The following MZT2B variants were observed in gnomAD, a reference collection of about 807,000 sequenced individuals.
MZT2B encodes the protein mitotic spindle organizing protein 2B.
In MZT2B, 11 loss-of-function variants were observed where a neutral mutation model predicts 12.1. The observed-to-expected ratio is 0.91, with a 90% CI of 0.57 to 1.50. The LOEUF is 1.50. Ranked by LOEUF, MZT2B falls within the 40% of genes most tolerant of loss-of-function variation. MZT2B has a pLI of 0.00. For missense variants in MZT2B, 209 were observed against 227.7 expected, an observed-to-expected ratio of 0.92 and a Z score of 0.53; for synonymous variants, 85 against 109.5, an observed-to-expected ratio of 0.78 and a Z score of 1.40.
chr2:130,190,162 A>G (rs1001839542), intron 2 of MZT2B, among the ~76,000 whole-genome samples: 5 of 152,122 alleles, frequency 3.3e-5, no homozygotes, highest in Non-Finnish European at 5.9e-5. Context: ...CAGCACACCT[A>G]CCTTTCCCTA....
chr2:130,200,130 G>A, the MZT2B span, among the ~76,000 whole-genome samples: 86 of 150,616 alleles, frequency 5.7e-4, no homozygotes, highest in Admixed American at 1.8e-3. Flanking sequence ...GGTGGCTCAC[G>A]CCTGTAATCG....
At chr2:130,192,965 G>A (rs368379290), downstream of MZT2B, among the ~76,000 whole-genome samples, 8 of 152,090 alleles carry the variant, frequency 5.3e-5, no homozygotes, top group East Asian at 3.9e-4. Flanking sequence ...GTGGTGGCAG[G>A]TGCCTGTAAT....
At position 130,183,667 on chromosome 2, in the gene MZT2B, G is replaced by A. The variant is rs781474141; in HGVS notation, c.319+892G>A. ...TGGAGAGCAGGCTGCCTTCATGGGG[G>A]GAGTGCCAGGGCCTGGGCACCCACA... On this transcript the variant is annotated intron_variant, in intron 2 of 2. Coordinates refer to ENST00000281871, the MANE Select transcript of MZT2B (RefSeq NM_025029.5). The A allele has an allele frequency of 8.6e-6, 13 of 1,506,248 alleles. No homozygotes were observed. The South Asian group carries it at 1.6e-4, about 18-fold the overall frequency. The allele number at this position is 1,506,248 out of a possible 1,614,324, so 93.3% of individuals were successfully genotyped here.
chr2:130,191,963 C>T (rs769358411), downstream of MZT2B: 9 of 1,613,838 alleles, frequency 5.6e-6, no homozygotes, highest in Non-Finnish European at 7.6e-6. Context: ...CGCCCACGTA[C>T]CAGTGCACAA....
At chr2:130,191,134 T>C (rs1690248141), downstream of MZT2B, among the ~76,000 whole-genome samples, 1 of 151,820 alleles carries the variant, frequency 6.6e-6, no homozygotes, top group Non-Finnish European at 1.5e-5. Context: ...GTATTTTTAG[T>C]AGAGACGGGG....
the MZT2B span, among the ~76,000 whole-genome samples, chr2:130,204,707 GGGGGT>G: frequency 1.3e-4 from 8 of 60,642 alleles, no homozygotes; most frequent in East Asian, 5.5e-4. Flanking sequence ...AAAAAAAAGG[GGGGGT>G]GGGGAGGAAG....
chr2:130,190,354 A>G (rs1475788561), intron 2 of MZT2B, 115 bp from the exon 3 acceptor site: 1 of 1,484,846 alleles, frequency 6.7e-7, no homozygotes, highest in Non-Finnish European at 9.1e-7. Context: ...CTCTAGCTGA[A>G]GGGACTTTGA....
chr2:130,203,046 T>C, the MZT2B span, among the ~76,000 whole-genome samples: 3 of 141,994 alleles, frequency 2.1e-5, no homozygotes, highest in African/African-American at 7.8e-5. Context: ...CTTTTCTTTT[T>C]TCTTTTTTTT....
the MZT2B span, among the ~76,000 whole-genome samples, chr2:130,195,932 G>A: frequency 2.7e-3 from 418 of 152,364 alleles, 1 homozygote; most frequent in African/African-American, 9.0e-3. Context: ...TGCTGGCAAA[G>A]CAGCTTTTCC....
chr2:130,191,478 TAAAG>T (rs1430620071), downstream of MZT2B, among the ~76,000 whole-genome samples: 1 of 152,204 alleles, frequency 6.6e-6, no homozygotes, highest in East Asian at 1.9e-4. Flanking sequence ...GACCCATCAA[TAAAG>T]AAGCCCGAAA....
the MZT2B span, chr2:130,198,374 G>A: frequency 3.7e-6 from 5 of 1,357,106 alleles, 1 homozygote; most frequent in Non-Finnish European, 4.0e-6. Context: ...GAACTCCGCT[G>A]CTTCAGCCCA....
chr2:130,191,843 G>A (rs144218629), downstream of MZT2B: 81 of 1,602,080 alleles, frequency 5.1e-5, no homozygotes, highest in African/African-American at 5.1e-4. Flanking sequence ...AGTATGCTTC[G>A]CCTTCTTCAG....
chr2:130,192,131 C>T (rs1690279380), downstream of MZT2B: 2 of 1,590,188 alleles, frequency 1.3e-6, no homozygotes, highest in Non-Finnish European at 1.7e-6. Context: ...TGCCCACCTG[C>T]CAGAGAAGGG....
intron 2 of MZT2B, chr2:130,183,917 C>A: frequency 3.9e-6 from 6 of 1,550,520 alleles, no homozygotes; most frequent in Non-Finnish European, 5.2e-6. Context: ...TCTCTCCAGG[C>A]CCCCCGGGTT....
chr2:130,182,262 A>C lies in MZT2B; in HGVS notation c.-21A>C. Reference sequence around the variant, plus strand: ...TAGGGGGCGCGGCGGGGCGGAGCGCACCTTTCCGCGGGCCGCGGGGATGGC... The same window carrying C: ...TAGGGGGCGCGGCGGGGCGGAGCGCCCCTTTCCGCGGGCCGCGGGGATGGC... On this transcript the variant is annotated 5_prime_UTR_variant, in exon 1 of 3. Coordinates refer to ENST00000281871, the MANE Select transcript of MZT2B (RefSeq NM_025029.5). 7.8e-7 allele frequency: 1 copy of C among 1,289,296 alleles called. No homozygotes were observed. Among genetic ancestry groups the C allele is most frequent in the Non-Finnish European group, 9.7e-7 (1 of 1,026,666 alleles). 79.9% of individuals were successfully genotyped at this position (1,289,296 alleles called of 1,614,324 possible).
downstream of MZT2B, chr2:130,191,969 C>T (rs1412563868): frequency 6.2e-7 from 1 of 1,613,892 alleles, no homozygotes; most frequent in Non-Finnish European, 8.5e-7. Flanking sequence ...CGTACCAGTG[C>T]ACAAAGGCCC....
the MZT2B span, among the ~76,000 whole-genome samples, chr2:130,201,623 C>T: frequency 6.6e-6 from 1 of 152,232 alleles, no homozygotes; most frequent in Non-Finnish European, 1.5e-5. Flanking sequence ...GCCCCCCTTC[C>T]TCAGGGCTCC....
At chr2:130,187,223 T>C (rs139010716) in intron 2 of MZT2B, among the ~76,000 whole-genome samples, 8 of 152,138 alleles carry the variant, frequency 5.3e-5, no homozygotes, top group African/African-American at 1.2e-4. Context: ...GACAGTCTTG[T>C]TCTGTCACCC....
downstream of MZT2B, chr2:130,192,103 T>C (rs745413890): frequency 6.2e-7 from 1 of 1,601,426 alleles, no homozygotes; most frequent in Non-Finnish European, 8.5e-7. Context: ...GGGACCACTG[T>C]GGGGGGCTGG....
Sources: gnomAD v4.1 joint callset for allele counts (sites outside exome capture counted in the v4.1 genomes callset) on GRCh38, gnomAD v4.1.1 for gene constraint, MANE v1.5 for transcripts, NCBI Gene and HGNC (gene_info 2026-07-23, HGNC 2026-07-21) for gene names.